MEI4: variants seen among roughly 807,000 people sequenced by gnomAD.
The protein encoded by MEI4 is meiotic double-stranded break formation protein 4.
In MEI4, 27 loss-of-function variants were observed where a neutral mutation model predicts 31.4. That is an observed-to-expected ratio of 0.86 (90% CI 0.63 to 1.19). The LOEUF (loss-of-function observed/expected upper bound fraction) is 1.19, where lower values mean the gene tolerates loss of function less well. Among genes scored for constraint, MEI4 ranks in the 50% most tolerant of loss-of-function variants. The probability of loss-of-function intolerance (pLI) is 0.00; values close to 1 mark genes in which losing one functional copy is unlikely to be tolerated. For synonymous variants in MEI4, 122 were observed against 145.4 expected (o/e 0.84, Z 1.16); for missense variants, 329 against 398.9 (o/e 0.82, Z 1.49).
At chr6:77,864,848 A>C (rs922982968) in intron 4 of MEI4, among the ~76,000 whole-genome samples, 2 of 152,218 alleles carry the variant, frequency 1.3e-5, no homozygotes, top group African/African-American at 4.8e-5. Flanking sequence ...ACTCCTCAGC[A>C]AATGTAAAAG....
intron 4 of MEI4, among the ~76,000 whole-genome samples, chr6:77,880,826 G>A (rs1771465375): frequency 6.6e-6 from 1 of 151,982 alleles, no homozygotes; most frequent in Admixed American, 6.6e-5. Flanking sequence ...CAGGAAAATG[G>A]ATAGAAATTT....
intron 4 of MEI4, among the ~76,000 whole-genome samples, chr6:77,919,506 G>C (rs1766649831): frequency 6.6e-6 from 1 of 151,934 alleles, no homozygotes; most frequent in Non-Finnish European, 1.5e-5. Flanking sequence ...GCAGTGTGTA[G>C]AGGGAAATTT....
At chr6:77,703,621 A>G (rs1766269466) in intron 2 of MEI4, among the ~76,000 whole-genome samples, 1 of 152,064 alleles carries the variant, frequency 6.6e-6, no homozygotes, top group Admixed American at 6.6e-5. Flanking sequence ...ATAAGTTTCT[A>G]CTAGAAATCC....
intron 2 of MEI4, among the ~76,000 whole-genome samples, chr6:77,728,649 G>A (rs568577646): frequency 3.0e-4 from 46 of 152,324 alleles, no homozygotes; most frequent in African/African-American, 9.9e-4. Context: ...AGACTGGATC[G>A]TCAGGAAGCC....
At chr6:77,809,601 A>G (rs1769524725) in intron 3 of MEI4, among the ~76,000 whole-genome samples, 1 of 152,304 alleles carries the variant, frequency 6.6e-6, no homozygotes, top group South Asian at 2.1e-4. Flanking sequence ...TGTAATGATA[A>G]TGGAGCTCAT....
At chr6:77,903,205 T>C (rs1347781908) in intron 4 of MEI4, among the ~76,000 whole-genome samples, 1 of 152,008 alleles carries the variant, frequency 6.6e-6, no homozygotes, top group Admixed American at 6.6e-5. Context: ...GTACAGAGAG[T>C]CTCTGACTTG....
intron 2 of MEI4, among the ~76,000 whole-genome samples, chr6:77,705,892 G>A (rs1766320569): frequency 6.6e-6 from 1 of 152,184 alleles, no homozygotes; most frequent in East Asian, 1.9e-4. Context: ...CTGTGAAGGA[G>A]ACATTGAGGT....
At chr6:77,857,355 AG>A (rs1428903131) in intron 4 of MEI4, among the ~76,000 whole-genome samples, 4 of 152,226 alleles carry the variant, frequency 2.6e-5, no homozygotes, top group Non-Finnish European at 4.4e-5. Flanking sequence ...CACTGGGGAA[AG>A]AGCATTGTTC....
chr6:77,912,172 G>T (rs936916134), intron 4 of MEI4, among the ~76,000 whole-genome samples: 3 of 151,914 alleles, frequency 2.0e-5, no homozygotes, highest in African/African-American at 7.2e-5. Context: ...TTGTTATTCT[G>T]TTCAATTAGT....
At chr6:77,787,228 C>T (rs528653159) in intron 3 of MEI4, among the ~76,000 whole-genome samples, 6 of 152,154 alleles carry the variant, frequency 3.9e-5, no homozygotes, top group Non-Finnish European at 8.8e-5. Context: ...GAGAAACAGC[C>T]AATGACATAG....
At chr6:77,827,163 A>G (rs1666358046) in intron 3 of MEI4, among the ~76,000 whole-genome samples, 1 of 152,002 alleles carries the variant, frequency 6.6e-6, no homozygotes, top group Non-Finnish European at 1.5e-5. Flanking sequence ...GATCAAGACC[A>G]TCCTGGCTAA....
chr6:77,789,505 A>G (rs1354470036), intron 3 of MEI4, among the ~76,000 whole-genome samples: 1 of 152,214 alleles, frequency 6.6e-6, no homozygotes, highest in Admixed American at 6.5e-5. Context: ...CAATCTACTC[A>G]TCTGACAAAG....
intron 4 of MEI4, among the ~76,000 whole-genome samples, chr6:77,888,602 T>A (rs1771681514): frequency 6.6e-6 from 1 of 152,196 alleles, no homozygotes; most frequent in Admixed American, 6.5e-5. Context: ...GGATAACTAA[T>A]GGGCATAATA....
At chr6:77,811,296 G>A (rs959814089) in intron 3 of MEI4, among the ~76,000 whole-genome samples, 2 of 152,084 alleles carry the variant, frequency 1.3e-5, no homozygotes, top group Non-Finnish European at 2.9e-5. Context: ...TTTGTAAAAG[G>A]TGAATAATCA....
intron 4 of MEI4, 140 bp downstream of exon 4, chr6:77,829,202 A>C: frequency 1.6e-6 from 1 of 630,314 alleles, no homozygotes; most frequent in Non-Finnish European, 2.3e-6. Context: ...GAGTAATATT[A>C]CTGCCTACCA....
chr6:77,833,316 T>C (rs1770129438), intron 4 of MEI4, among the ~76,000 whole-genome samples: 2 of 152,158 alleles, frequency 1.3e-5, no homozygotes, highest in African/African-American at 4.8e-5. Context: ...TGTTTAGTTA[T>C]TCAAAAATCT....
chr6:77,877,715 CTTTTTTTTT>C (rs56798153), intron 4 of MEI4, among the ~76,000 whole-genome samples: 1 of 125,900 alleles, frequency 7.9e-6, no homozygotes, highest in Non-Finnish European at 1.7e-5. Context: ...AGCAGTCAGC[CTTTTTTTTT>C]TTTTTTTTTG....
intron 4 of MEI4, among the ~76,000 whole-genome samples, chr6:77,913,905 G>A (rs1766485421): frequency 6.6e-6 from 1 of 151,386 alleles, no homozygotes; most frequent in Non-Finnish European, 1.5e-5. Context: ...GTGGTGGCGG[G>A]CACCTGTAGT....
intron 3 of MEI4, among the ~76,000 whole-genome samples, chr6:77,767,816 T>C (rs954387450): frequency 1.3e-5 from 2 of 152,202 alleles, no homozygotes; most frequent in African/African-American, 2.4e-5. Context: ...AATACTTCTT[T>C]TGATCACTGC....
Sources: gnomAD v4.1 joint callset for allele counts (sites outside exome capture counted in the v4.1 genomes callset) on GRCh38, gnomAD v4.1.1 for gene constraint, MANE v1.5 for transcripts, NCBI Gene and HGNC (gene_info 2026-07-23, HGNC 2026-07-21) for gene names.